Variants in BCAS3 observed in about 807,000 individuals in gnomAD.
BCAS3 encodes the protein BCAS3 microtubule associated cell migration factor, also known as BCAS4/BCAS3 fusion.
Under a neutral mutation model 116.1 loss-of-function variants are expected in BCAS3, and 53 were observed. That is an observed-to-expected ratio of 0.46 (90% CI 0.37 to 0.57). The LOEUF (loss-of-function observed/expected upper bound fraction) is 0.57, where lower values mean the gene tolerates loss of function less well. Ranked by LOEUF, BCAS3 falls within the 20% of genes least tolerant of loss-of-function variation. BCAS3 has a pLI of 0.00. For synonymous variants in BCAS3, 391 were observed against 408.2 expected (o/e 0.96, Z 0.51); for missense variants, 917 against 1,165.4 (o/e 0.79, Z 3.10).
At chr17:60,838,977 T>A (rs1011126765) in intron 7 of BCAS3, among the ~76,000 whole-genome samples, 1 of 152,224 alleles carries the variant, frequency 6.6e-6, no homozygotes, top group African/African-American at 2.4e-5. Flanking sequence ...TATGCCACTG[T>A]GCCTGTCTTA....
chr17:61,107,961 T>C (rs1402333485), intron 22 of BCAS3, among the ~76,000 whole-genome samples: 1 of 152,368 alleles, frequency 6.6e-6, no homozygotes, highest in East Asian at 1.9e-4. Flanking sequence ...CTGTCTGTAT[T>C]ATTTTATAAT....
At position 61,258,655 on chromosome 17, in the gene BCAS3, C is replaced by T. The variant is rs534196539; in HGVS notation, c.2426-109672C>T. Among the ~76,000 whole-genome samples, 1 of 152,326 alleles carries T rather than the reference C, an allele frequency of 6.6e-6. No individual in the cohort carries two copies. The highest frequency in any genetic ancestry group is 1.5e-5 in the Non-Finnish European group (1 of 68,018). On this transcript the variant is annotated intron_variant, in intron 22 of 23. Transcript: ENST00000407086. This position sits in a 1 kb window ranked among gnomAD's most constrained non-coding sequence, Gnocchi z 4.7. ...TTGATTAAGTAAGTAGACTGATGTT[C>T]ACTCCTTATTGCATGATTTTCTAAA...
chr17:60,765,719 T>C (rs1198613377), intron 6 of BCAS3, among the ~76,000 whole-genome samples: 1 of 152,178 alleles, frequency 6.6e-6, no homozygotes, highest in Non-Finnish European at 1.5e-5. Flanking sequence ...CTGTATTTCC[T>C]GAATTTGAAT....
At chr17:61,045,731 G>A (rs1313094136) in intron 19 of BCAS3, among the ~76,000 whole-genome samples, 3 of 137,154 alleles carry the variant, frequency 2.2e-5, no homozygotes, top group African/African-American at 5.5e-5. Flanking sequence ...GAGGAGAATC[G>A]CTTGAACTCA....
intron 22 of BCAS3, among the ~76,000 whole-genome samples, chr17:61,297,188 G>T (rs2053000850): frequency 6.6e-6 from 1 of 152,194 alleles, no homozygotes; most frequent in Non-Finnish European, 1.5e-5. Context: ...CAATGCATAT[G>T]GGATTTAGAA....
Position 61,301,894 on chromosome 17 carries a change from T to C in BCAS3, c.2426-66433T>C, listed in dbSNP as rs139073084. Among the ~76,000 whole-genome samples, 96 of 152,238 alleles carry C rather than the reference T, an allele frequency of 6.3e-4. 1 individual carries two copies. The highest frequency in any genetic ancestry group is 2.0e-3 in the African/African-American group (81 of 41,528). On this transcript the variant is annotated intron_variant, in intron 22 of 23. Coordinates refer to ENST00000407086, the MANE Select transcript of BCAS3 (RefSeq NM_017679.5). Reference sequence around the variant, plus strand: ...CCTTTCAGCACAAATAGATACTTTCTTTACAGTGTAAAGAATCTGCACCCT... The same window carrying C: ...CCTTTCAGCACAAATAGATACTTTCCTTACAGTGTAAAGAATCTGCACCCT...
intron 11 of BCAS3, among the ~76,000 whole-genome samples, chr17:60,903,389 C>T (rs2058023112): frequency 6.6e-6 from 1 of 152,234 alleles, no homozygotes; most frequent in South Asian, 2.1e-4. Context: ...TGATGCGCTT[C>T]AGAATGTGTT....
chr17:60,721,738 G>T (rs115002622), intron 5 of BCAS3, among the ~76,000 whole-genome samples: 4,723 of 152,048 alleles, frequency 0.031, 233 homozygotes, highest in African/African-American at 0.1. Context: ...GCACAAATCT[G>T]AAGTGTACAG....
chr17:61,297,908 A>G (rs911966912), intron 22 of BCAS3, among the ~76,000 whole-genome samples: 1 of 152,188 alleles, frequency 6.6e-6, no homozygotes, highest in African/African-American at 2.4e-5. Context: ...ACTGTTTCCA[A>G]TAGTATCAAA....
chr17:60,834,756 G>GA (rs1297454906), intron 7 of BCAS3, among the ~76,000 whole-genome samples: 4 of 151,862 alleles, frequency 2.6e-5, no homozygotes, highest in African/African-American at 9.7e-5. Context: ...CTGTTAATAT[G>GA]AAAAATGACT....
In BCAS3 at chr17:61,041,178, C is replaced by T. The variant is rs917474333; in HGVS notation, c.2029+286C>T. 6.6e-6 allele frequency among the ~76,000 whole-genome samples: 1 copy of T among 151,876 alleles called. No homozygotes were observed. Among genetic ancestry groups the T allele is most frequent in the African/African-American group, 2.4e-5 (1 of 41,360 alleles). ...AAAATTCAAACAAACATAAAAACCA[C>T]CACCTGAAAATGCTAGGATATAATA... On this transcript the variant is annotated intron_variant, in intron 19 of 23. Transcript: ENST00000407086. The surrounding 1 kb of genome is among the most constrained non-coding windows in gnomAD (Gnocchi z 4.7).
At chr17:60,691,398 G>T (rs2034804154) in intron 4 of BCAS3, among the ~76,000 whole-genome samples, 2 of 152,062 alleles carry the variant, frequency 1.3e-5, no homozygotes, top group South Asian at 4.2e-4. Flanking sequence ...TCCAACACTT[G>T]TTAGTTTCCT....
At chr17:61,001,009 TC>T (rs1160619835) in intron 15 of BCAS3, among the ~76,000 whole-genome samples, 7 of 152,178 alleles carry the variant, frequency 4.6e-5, no homozygotes, top group Non-Finnish European at 1.0e-4. Flanking sequence ...TTTGTTTTCT[TC>T]CTGCAATTTC....
intron 5 of BCAS3, among the ~76,000 whole-genome samples, chr17:60,719,408 G>A (rs761731926): frequency 6.6e-6 from 1 of 152,122 alleles, no homozygotes; most frequent in Non-Finnish European, 1.5e-5. Flanking sequence ...AAAATAATTC[G>A]TCTTTTATGA....
intron 7 of BCAS3, among the ~76,000 whole-genome samples, chr17:60,830,358 A>T (rs765180372): frequency 6.6e-6 from 1 of 152,200 alleles, no homozygotes; most frequent in Non-Finnish European, 1.5e-5. Flanking sequence ...ATAAAACGTG[A>T]TGGTTGCACA....
chr17:61,350,692 G>A (rs2143331691), intron 22 of BCAS3, among the ~76,000 whole-genome samples: 1 of 151,158 alleles, frequency 6.6e-6, no homozygotes, highest in East Asian at 2.0e-4. Flanking sequence ...CAGTGTAGTG[G>A]TACAATCATG....
rs779314111 is a variant in BCAS3 at position 61,008,908 on chromosome 17, G to A, written c.1487-6843G>A. 9.9e-5 allele frequency among the ~76,000 whole-genome samples: 15 copies of A among 151,968 alleles called. No homozygotes were observed. The highest frequency in any genetic ancestry group is 1.8e-4 in the Non-Finnish European group (12 of 67,942). The stretch of plus-strand genomic sequence containing the variant: ...TGCCAGAGAGTCACATTGACCTCGG[G>A]CTTCAGTGTGGCTCAGTAATCCGAT... On this transcript the variant is annotated intron_variant, in intron 15 of 23. Transcript: ENST00000407086. The surrounding 1 kb of genome is among the most constrained non-coding windows in gnomAD (Gnocchi z 4.6).
intron 14 of BCAS3, among the ~76,000 whole-genome samples, chr17:60,970,441 C>G (rs2061896732): frequency 6.6e-6 from 1 of 151,772 alleles, no homozygotes; most frequent in Non-Finnish European, 1.5e-5. Flanking sequence ...AAGAAATTGC[C>G]TATAAGGTAG....
At chr17:60,909,350 G>T (rs1277564917) in intron 11 of BCAS3, among the ~76,000 whole-genome samples, 1 of 151,980 alleles carries the variant, frequency 6.6e-6, no homozygotes, top group Non-Finnish European at 1.5e-5. Context: ...GAAATACCAT[G>T]TATATAATAG....
Sources: allele counts gnomAD v4.1 joint callset (sites outside exome capture counted in the v4.1 genomes callset), GRCh38; gene constraint gnomAD v4.1.1; non-coding constraint Gnocchi (gnomAD v3.1); transcripts MANE v1.5; gene names NCBI Gene and HGNC (gene_info 2026-07-23, HGNC 2026-07-21).